Variants in PDE11A observed in about 807,000 individuals in gnomAD.
PDE11A encodes the protein phosphodiesterase 11A, also known as dual 3',5'-cyclic-AMP and -GMP phosphodiesterase 11A.
PDE11A carries 100 observed loss-of-function variants against 100.5 expected under a neutral mutation model. The ratio of observed to expected loss-of-function variants is 1.00; its 90% CI spans 0.85 to 1.18. The LOEUF (loss-of-function observed/expected upper bound fraction) is 1.18. Among genes scored for constraint, PDE11A ranks in the 50% most tolerant of loss-of-function variants. The probability of loss-of-function intolerance (pLI) is 0.00; values close to 1 mark genes in which losing one functional copy is unlikely to be tolerated. For missense variants in PDE11A, 1,141 were observed against 1,152.6 expected (o/e 0.99, Z 0.15); for synonymous variants, 381 against 420.8 (o/e 0.91, Z 1.16).
chr2:177,746,230 G>T (rs1320671121), intron 10 of PDE11A, among the ~76,000 whole-genome samples: 1 of 152,162 alleles, frequency 6.6e-6, no homozygotes, highest in Non-Finnish European at 1.5e-5. Context: ...GAACAAGATG[G>T]TTCTTGTTGA....
chr2:177,705,612 G>A (rs942477323), intron 13 of PDE11A, among the ~76,000 whole-genome samples: 4 of 152,210 alleles, frequency 2.6e-5, no homozygotes, highest in Non-Finnish European at 5.9e-5. Context: ...GTGTGCAAAT[G>A]TAAATGTACC....
intron 6 of PDE11A, among the ~76,000 whole-genome samples, chr2:177,828,020 T>C (rs183629260): frequency 3.9e-5 from 6 of 152,368 alleles, no homozygotes; most frequent in Non-Finnish European, 5.9e-5. Flanking sequence ...ATAATGGTTT[T>C]AGATAATTGT....
intron 2 of PDE11A, chr2:177,927,144 A>G (rs2085136291): frequency 6.6e-6 from 1 of 152,188 alleles, no homozygotes; most frequent in African/African-American, 2.4e-5. Context: ...CACACCTATG[A>G]AGTGAAATAT....
At chr2:177,848,280 G>C (rs2083637387) in intron 5 of PDE11A, among the ~76,000 whole-genome samples, 3 of 152,104 alleles carry the variant, frequency 2.0e-5, no homozygotes, top group African/African-American at 7.2e-5. Flanking sequence ...ACAGCAGACA[G>C]TAAAAATATA....
rs117905280 is a variant in PDE11A, at chr2:177,676,984, G to A, written c.2424-1466C>T. Among the ~76,000 whole-genome samples, 530 of 152,294 alleles carry A rather than the reference G, an allele frequency of 3.5e-3. 2 individuals carry two copies. Among genetic ancestry groups the A allele is most frequent in the Middle Eastern group, 0.01 (3 of 294 alleles). On this transcript the variant is annotated intron_variant, in intron 16 of 19. Transcript: ENST00000286063. ...ACCAGATGCCCTCTTACTACACATG[G>A]ATGCTGACAGTACTGGAGGGGGACA...
chr2:177,779,989 A>T (rs1461133991), intron 9 of PDE11A, among the ~76,000 whole-genome samples: 2 of 152,200 alleles, frequency 1.3e-5, no homozygotes, highest in Non-Finnish European at 2.9e-5. Flanking sequence ...ATTACTCTTG[A>T]TCTATGGGCT....
chr2:177,819,896 G>GTCTCTC (rs2083108833), intron 7 of PDE11A, among the ~76,000 whole-genome samples: 1 of 84,876 alleles, frequency 1.2e-5, no homozygotes, highest in African/African-American at 4.4e-5. Context: ...CTCTCTCTCT[G>GTCTCTC]TCTCTGTCTC....
At chr2:177,786,713 G>A (rs1480203902) in intron 9 of PDE11A, among the ~76,000 whole-genome samples, 1 of 152,160 alleles carries the variant, frequency 6.6e-6, no homozygotes, top group Non-Finnish European at 1.5e-5. Context: ...GGAGCTGAAA[G>A]CCAAAGCTCA....
chr2:177,634,108 A>G (rs1318144299), intron 19 of PDE11A, among the ~76,000 whole-genome samples: 1 of 152,106 alleles, frequency 6.6e-6, no homozygotes, highest in Non-Finnish European at 1.5e-5. Flanking sequence ...GAATCATTCC[A>G]CCAATTTATT....
At chr2:177,686,902 A>C (rs2080960457) in intron 15 of PDE11A, 2 of 151,824 alleles carry the variant, frequency 1.3e-5, no homozygotes, top group South Asian at 4.2e-4. Flanking sequence ...TTTTTAGTAG[A>C]GATGGTGTTT....
At chr2:178,031,206 T>A (rs1012723650) in intron 1 of PDE11A, among the ~76,000 whole-genome samples, 1 of 152,110 alleles carries the variant, frequency 6.6e-6, no homozygotes, top group Non-Finnish European at 1.5e-5. Context: ...ATAAAGGGGA[T>A]CTCAAAAAAC....
chr2:178,048,230 T>C (rs935494625), intron 1 of PDE11A, among the ~76,000 whole-genome samples: 3 of 151,982 alleles, frequency 2.0e-5, no homozygotes, highest in African/African-American at 7.3e-5. Context: ...ACGGATCTAA[T>C]ATGTAGGTGA....
intron 15 of PDE11A, among the ~76,000 whole-genome samples, chr2:177,689,133 A>G (rs1009079709): frequency 1.3e-5 from 2 of 152,008 alleles, no homozygotes; most frequent in African/African-American, 4.8e-5. Context: ...CCCAGGCTGG[A>G]GTGCAATGGC....
intron 10 of PDE11A, among the ~76,000 whole-genome samples, chr2:177,728,377 G>A (rs575107245): frequency 2.4e-4 from 34 of 139,390 alleles, no homozygotes; most frequent in Admixed American, 1.4e-3. Flanking sequence ...GGGCAGGGTT[G>A]GGGGCGGGGG....
intron 2 of PDE11A, among the ~76,000 whole-genome samples, chr2:177,930,341 G>C (rs2085189073): frequency 6.6e-6 from 1 of 152,082 alleles, no homozygotes; most frequent in East Asian, 1.9e-4. Context: ...ATTAGCAGCT[G>C]TACAATGGCT....
chr2:177,955,698 G>A (rs1190788481), intron 2 of PDE11A, among the ~76,000 whole-genome samples: 1 of 152,108 alleles, frequency 6.6e-6, no homozygotes, highest in Non-Finnish European at 1.5e-5. Flanking sequence ...CATGGTACTG[G>A]TATCAAAACA....
At chr2:177,967,548 G>A (rs1431887419) in intron 2 of PDE11A, among the ~76,000 whole-genome samples, 19 of 151,904 alleles carry the variant, frequency 1.3e-4, no homozygotes. Flanking sequence ...TTGATTGAAT[G>A]AAGGAATGAT....
At chr2:178,079,791 G>A (rs763018717) in intron 2 of PDE11A, among the ~76,000 whole-genome samples, 30 of 151,994 alleles carry the variant, frequency 2.0e-4, no homozygotes, top group Admixed American at 4.6e-4. Context: ...CCACAAACTC[G>A]CTAGCATATG....
At chr2:177,905,040 C>G in intron 3 of PDE11A, 58 bp downstream of exon 3, 1 of 913,126 alleles carries the variant, frequency 1.1e-6, no homozygotes, top group South Asian at 1.3e-5. Flanking sequence ...GACATAATGA[C>G]TTACAGAAAC....
Sources: gnomAD v4.1 joint callset for allele counts (sites outside exome capture counted in the v4.1 genomes callset) on GRCh38, gnomAD v4.1.1 for gene constraint, MANE v1.5 for transcripts, NCBI Gene and HGNC (gene_info 2026-07-23, HGNC 2026-07-21) for gene names.